GPC6: variants seen among roughly 807,000 people sequenced by gnomAD.
GPC6 encodes the protein glypican-6.
In GPC6, 14 loss-of-function variants were observed where a neutral mutation model predicts 55.2. The observed-to-expected ratio is 0.25, with a 90% CI of 0.17 to 0.40. GPC6 has a LOEUF of 0.40. GPC6 is among the 10% of genes least tolerant of loss of function. The probability of loss-of-function intolerance (pLI) is 1.00; values close to 1 mark genes in which losing one functional copy is unlikely to be tolerated. For synonymous variants in GPC6, 278 were observed against 259.6 expected (o/e 1.07, Z -0.68); for missense variants, 641 against 708.5 (o/e 0.90, Z 1.08).
intron 2 of GPC6, among the ~76,000 whole-genome samples, chr13:93,779,049 ACTAT>A (rs1885554542): frequency 6.6e-6 from 1 of 152,228 alleles, no homozygotes; most frequent in Middle Eastern, 3.2e-3. Flanking sequence ...TATGTTTATA[ACTAT>A]CCTTTTATAT....
At chr13:94,378,103 G>A (rs1879980661) in intron 6 of GPC6, among the ~76,000 whole-genome samples, 1 of 152,098 alleles carries the variant, frequency 6.6e-6, no homozygotes, top group Non-Finnish European at 1.5e-5. Flanking sequence ...GCTAGATGAC[G>A]AGTTAGTGGG....
At chr13:93,273,077 A>C (rs1877592935) in intron 1 of GPC6, among the ~76,000 whole-genome samples, 1 of 152,208 alleles carries the variant, frequency 6.6e-6, no homozygotes, top group African/African-American at 2.4e-5. Flanking sequence ...CCTGAAATGC[A>C]ACCTGTAAAG....
intron 6 of GPC6, among the ~76,000 whole-genome samples, chr13:94,354,922 A>G (rs886918782): frequency 3.3e-5 from 5 of 152,134 alleles, no homozygotes; most frequent in African/African-American, 7.2e-5. Flanking sequence ...GAATTTTAAA[A>G]CCAGGAGATT....
At chr13:93,586,673 A>T (rs1366176833) in intron 2 of GPC6, among the ~76,000 whole-genome samples, 1 of 152,152 alleles carries the variant, frequency 6.6e-6, no homozygotes, top group African/African-American at 2.4e-5. Flanking sequence ...CTGGGAGACA[A>T]CCTATACAAT....
At chr13:93,435,002 G>A (rs1877514804) in intron 1 of GPC6, among the ~76,000 whole-genome samples, 4 of 152,158 alleles carry the variant, frequency 2.6e-5, no homozygotes, top group Admixed American at 2.6e-4. Context: ...ACTATGCCCA[G>A]CCTCATTGAT....
At chr13:93,771,610 A>G (rs1885297823) in intron 2 of GPC6, among the ~76,000 whole-genome samples, 1 of 152,108 alleles carries the variant, frequency 6.6e-6, no homozygotes, top group Non-Finnish European at 1.5e-5. Context: ...AATAAAGTAA[A>G]TACCTAATGC....
chr13:93,351,774 A>C (rs1373689355), intron 1 of GPC6, among the ~76,000 whole-genome samples: 1 of 152,078 alleles, frequency 6.6e-6, no homozygotes, highest in Non-Finnish European at 1.5e-5. Context: ...AAAACACAAA[A>C]AGCCCATCTC....
intron 4 of GPC6, among the ~76,000 whole-genome samples, chr13:94,170,292 T>C (rs1888514417): frequency 7.2e-6 from 1 of 138,242 alleles, no homozygotes; most frequent in Non-Finnish European, 1.6e-5. Context: ...CAAATTCTCA[T>C]GCTTGATGGT....
chr13:93,578,253 T>G (rs937456103), intron 2 of GPC6, among the ~76,000 whole-genome samples: 1 of 152,152 alleles, frequency 6.6e-6, no homozygotes, highest in African/African-American at 2.4e-5. Context: ...TGTTCAATTT[T>G]TTTTAAAAAG....
chr13:94,071,494 C>A (rs760023926), intron 4 of GPC6, among the ~76,000 whole-genome samples: 2 of 152,072 alleles, frequency 1.3e-5, no homozygotes, highest in East Asian at 3.9e-4. Flanking sequence ...GTTTGCCTGG[C>A]TTAAAGAAAA....
At chr13:93,678,991 G>A (rs1417423208) in intron 2 of GPC6, among the ~76,000 whole-genome samples, 1 of 152,026 alleles carries the variant, frequency 6.6e-6, no homozygotes, top group Non-Finnish European at 1.5e-5. Flanking sequence ...CCTCAGACCT[G>A]GAGAAATGCC....
At chr13:93,369,064 A>G (rs1881362577) in intron 1 of GPC6, among the ~76,000 whole-genome samples, 1 of 151,996 alleles carries the variant, frequency 6.6e-6, no homozygotes, top group Admixed American at 6.6e-5. Context: ...TTTACTAGAC[A>G]TTGTCTCATA....
intron 6 of GPC6, among the ~76,000 whole-genome samples, chr13:94,355,297 A>G (rs1048291566): frequency 6.6e-6 from 1 of 151,166 alleles, no homozygotes; most frequent in African/African-American, 2.4e-5. Flanking sequence ...TGCTGGGATT[A>G]CAGGGGTGAG....
intron 1 of GPC6, among the ~76,000 whole-genome samples, chr13:93,449,594 G>T (rs1398670391): frequency 6.6e-6 from 1 of 152,156 alleles, no homozygotes; most frequent in East Asian, 1.9e-4. Flanking sequence ...TTGGGAGGCC[G>T]AGGTGGGTGG....
chr13:94,403,476 CAGG>C lies in GPC6; in HGVS notation c.*262_*264del, dbSNP rs1459693705. The C allele has an allele frequency of 2.0e-6, 1 of 495,310 alleles. No individual in the cohort carries two copies. The highest frequency in any genetic ancestry group is 3.2e-5 in the Admixed American group (1 of 31,112). 30.7% of individuals were successfully genotyped at this position (495,310 alleles called of 1,614,324 possible). On this transcript the variant is annotated 3_prime_UTR_variant, in exon 9 of 9. Transcript: ENST00000377047. ...GAATTCTTACTCAAATTTTTCGTAC[CAGG>C]AGATTTTCTTACCTTCATTTGCTTT...
chr13:93,418,607 CGTA>C lies in GPC6; in HGVS notation c.161-126652_161-126650del, dbSNP rs770977521. 3.3e-5 allele frequency among the ~76,000 whole-genome samples: 5 copies of C among 149,910 alleles called. No individual in the cohort carries two copies. In the South Asian group the frequency reaches 6.4e-4, roughly 19 times the overall value. ...TATCATTTTATTAATAGCACTATAC[CGTA>C]GTATCATTTTATTAATAGCGCTATA... is the stretch of plus-strand genomic sequence containing the variant. On this transcript the variant is annotated intron_variant, in intron 1 of 8. Coordinates refer to ENST00000377047, the MANE Select transcript of GPC6 (RefSeq NM_005708.5).
intron 2 of GPC6, among the ~76,000 whole-genome samples, chr13:93,663,249 T>C (rs1880998335): frequency 6.6e-6 from 1 of 152,162 alleles, no homozygotes; most frequent in African/African-American, 2.4e-5. Flanking sequence ...CACATGGAAC[T>C]GTTCAACTCA....
intron 4 of GPC6, among the ~76,000 whole-genome samples, chr13:94,245,878 A>G (rs2139031568): frequency 1.3e-5 from 2 of 152,210 alleles, no homozygotes; most frequent in South Asian, 4.1e-4. Flanking sequence ...TTATTTATAC[A>G]CAGAAGAGGA....
intron 4 of GPC6, among the ~76,000 whole-genome samples, chr13:94,198,100 T>A (rs1222141455): frequency 6.6e-6 from 1 of 152,170 alleles, no homozygotes; most frequent in Non-Finnish European, 1.5e-5. Context: ...TCCCAAAACA[T>A]AATAAATACA....
Sources: allele counts gnomAD v4.1 joint callset (sites outside exome capture counted in the v4.1 genomes callset), GRCh38; gene constraint gnomAD v4.1.1; transcripts MANE v1.5; gene names NCBI Gene and HGNC (gene_info 2026-07-23, HGNC 2026-07-21).